The following ARSL variants were observed in gnomAD, a reference collection of about 807,000 sequenced individuals.
The protein encoded by ARSL is arylsulfatase L.
In ARSL, 4 loss-of-function variants were observed where a neutral mutation model predicts 31.1. The observed-to-expected ratio is 0.13, with a 90% CI of 0.06 to 0.29. The LOEUF is 0.29. ARSL is among the 10% of genes least tolerant of loss of function. ARSL has a pLI of 1.00. For missense variants in ARSL, 312 were observed against 497.8 expected, an observed-to-expected ratio of 0.63 and a Z score of 3.55; for synonymous variants, 198 against 209.9, an observed-to-expected ratio of 0.94 and a Z score of 0.49.
chrX:2,965,833 G>A (rs1012540077), upstream of ARSL, among the ~76,000 whole-genome samples: 23 of 112,252 alleles, frequency 2.0e-4, no homozygotes, highest in Middle Eastern at 4.7e-3. Flanking sequence ...CCCGGGAGAC[G>A]GAGCTTGCAG....
chrX:2,964,628 G>T, upstream of ARSL: 1 of 191,313 alleles, frequency 5.2e-6, no homozygotes, highest in Non-Finnish European at 8.0e-6. Context: ...GTGTCCTTAG[G>T]TTTTTAAGTG....
chrX:2,959,838 C>G, intron 2 of ARSL: 2 of 630,713 alleles, frequency 3.2e-6, no homozygotes, highest in Admixed American at 4.6e-5. Context: ...GGAGCATTGC[C>G]TGAGCCCAGG....
chrX:2,953,019 C>T, intron 5 of ARSL, 124 bp downstream of exon 5: 2 of 867,018 alleles, frequency 2.3e-6, no homozygotes, highest in Middle Eastern at 2.9e-4. Flanking sequence ...TTCCTAGATA[C>T]ATGCAGCTTT....
At position 2,943,793 on chromosome X, in the gene ARSL, G is replaced by GAGA. The variant is rs763154200; in HGVS notation, c.992-597_992-595dup. Among the ~76,000 whole-genome samples, 960 of 97,643 alleles carry GAGA rather than the reference G, an allele frequency of 9.8e-3. 22 individuals carry two copies. Among genetic ancestry groups the GAGA allele is most frequent in the African/African-American group, 0.035 (914 of 26,032 alleles). 84.8% of individuals were successfully genotyped at this position (97,643 alleles called of 115,157 possible). A position where few individuals can be genotyped will look rare whatever the true frequency, so the allele number is the denominator to read the frequency against. On this transcript the variant is annotated intron_variant, in intron 7 of 10. Coordinates refer to ENST00000381134, the MANE Select transcript of ARSL (RefSeq NM_000047.3). ...AAAAGTGAGGCATGTGAATATTCCT[G>GAGA]AGAAGAAAGCATAGACTGAAAATGC...
At chrX:2,960,896 G>C (rs1218768061) in intron 1 of ARSL, among the ~76,000 whole-genome samples, 1 of 111,595 alleles carries the variant, frequency 9.0e-6, no homozygotes, top group African/African-American at 3.3e-5. Context: ...ATACACAAAA[G>C]AATCTGAGTA....
chrX:2,960,863 G>C (rs760762847), intron 1 of ARSL, among the ~76,000 whole-genome samples: 1 of 111,353 alleles, frequency 9.0e-6, no homozygotes, highest in Non-Finnish European at 1.9e-5. Context: ...AGGGGGAAGC[G>C]GGGAAAGATC....
chrX:2,960,447 C>T (rs967157391), intron 1 of ARSL, 27 bp from the exon 2 acceptor site: 3 of 1,195,574 alleles, frequency 2.5e-6, no homozygotes, highest in East Asian at 5.9e-5. Flanking sequence ...TGTCCACAAT[C>T]ACATTGACAG....
At chrX:2,944,346 C>T (rs1196190299) in intron 7 of ARSL, among the ~76,000 whole-genome samples, 4 of 107,204 alleles carry the variant, frequency 3.7e-5, no homozygotes, top group Non-Finnish European at 3.8e-5. Context: ...CCCAGCTACT[C>T]CGGAGGCTGA....
chrX:2,949,436 G>T lies in ARSL; in HGVS notation c.722C>A (p.Ser241Tyr), dbSNP rs1313752614. 2 of 1,211,260 alleles carry T rather than the reference G, an allele frequency of 1.7e-6. No individual in the cohort carries two copies. Among genetic ancestry groups the T allele is most frequent in the South Asian group, 3.5e-5 (2 of 56,909 alleles). The change falls in exon 6 of 11, where the codon TCC (serine) becomes TAC (tyrosine). Residue 241 changes from serine to tyrosine, a missense_variant. Physicochemically the swap from Ser to Tyr is moderately radical, Grantham distance 144. Transcript: ENST00000381134. Reference protein sequence around the residue: ...ALSAVLLLASSYFVGALIVHA... With the variant: ...ALSAVLLLASYYFVGALIVHA... ...GACAATCAGAGCACCCACAAAATAG[G>T]AGCTTGCGAGGAGGAGGACGGCCGA...
chrX:2,965,147 T>C (rs1237491797), upstream of ARSL, among the ~76,000 whole-genome samples: 1 of 110,713 alleles, frequency 9.0e-6, no homozygotes, highest in Admixed American at 9.7e-5. Context: ...TAAGAAATAA[T>C]AAAGATAAGA....
Position 2,958,356 on chromosome X carries a change from C to A in ARSL, c.103G>T (p.Ala35Ser). 1.7e-6 allele frequency: 2 copies of A among 1,211,711 alleles called. No individual in the cohort carries two copies. The highest frequency in any genetic ancestry group is 2.2e-6 in the Non-Finnish European group (2 of 895,535). Residue 35 changes from alanine (A) to serine (S), a missense_variant, in exon 3 of 11, where the codon GCC becomes TCC. Ala to Ser is a moderately conservative substitution (Grantham distance 99, BLOSUM62 1). Transcript: ENST00000381134. ...AGAAGAAGGATGTTCGGTCGGGAGG[C>A]GGAAATGTCGCTGGAAGCTGATGGT... ...LAPSASSDIS[A>S]SRPNILLLMA...
At chrX:2,944,395 A>G (rs1385575576) in intron 7 of ARSL, among the ~76,000 whole-genome samples, 2 of 104,959 alleles carry the variant, frequency 1.9e-5, no homozygotes, top group Non-Finnish European at 3.9e-5. Context: ...CGGAGGTTGC[A>G]GTGAGCTGAG....
At chrX:2,938,398 C>CTG (rs1555908507) in intron 8 of ARSL, 141 bp from the exon 9 acceptor site, 1 of 880,484 alleles carries the variant, frequency 1.1e-6, no homozygotes, top group Non-Finnish European at 1.6e-6. Flanking sequence ...CTCTCTCTCT[C>CTG]TGTTTTAGTG....
intron 2 of ARSL, among the ~76,000 whole-genome samples, chrX:2,958,931 G>C (rs188294423): frequency 1.1e-4 from 12 of 111,991 alleles, no homozygotes; most frequent in African/African-American, 3.2e-4. Flanking sequence ...AGGCTGCAGC[G>C]AGCTGAGATC....
intron 4 of ARSL, among the ~76,000 whole-genome samples, chrX:2,954,136 C>A (rs886591812): frequency 1.3e-4 from 14 of 111,245 alleles, no homozygotes; most frequent in East Asian, 1.1e-3. Flanking sequence ...CTGGTTATCA[C>A]CCCAGGGGTG....
At chrX:2,943,280 C>G in intron 7 of ARSL, 81 bp from the exon 8 acceptor site, 22 of 1,113,374 alleles carry the variant, frequency 2.0e-5, no homozygotes. Context: ...CTTTAGCATT[C>G]GGGGGCTAGC....
chrX:2,954,986 G>T (rs1010044402), intron 4 of ARSL, among the ~76,000 whole-genome samples: 3 of 111,938 alleles, frequency 2.7e-5, no homozygotes, highest in Non-Finnish European at 5.6e-5. Context: ...GATTCTGGGG[G>T]GATTAGGGCA....
At chrX:2,960,522 C>T (rs900396942) in intron 1 of ARSL, 102 bp from the exon 2 acceptor site, 12 of 802,071 alleles carry the variant, frequency 1.5e-5, no homozygotes, top group Admixed American at 9.7e-5. Context: ...GATTCCCGTT[C>T]ATGATATCAA....
At chrX:2,936,602 G>A (rs1247060279) in intron 10 of ARSL, 140 bp downstream of exon 10, 22 of 848,660 alleles carry the variant, frequency 2.6e-5, no homozygotes, top group Non-Finnish European at 3.5e-5. Flanking sequence ...TAAAAAGCTC[G>A]TGGAGAAAAA....
Sources: allele counts gnomAD v4.1 joint callset (sites outside exome capture counted in the v4.1 genomes callset), GRCh38; gene constraint gnomAD v4.1.1; transcripts MANE v1.5; gene names NCBI Gene and HGNC (gene_info 2026-07-23, HGNC 2026-07-21).